The following BRAF variants were observed in gnomAD, a reference collection of about 807,000 sequenced individuals.
BRAF encodes the protein serine/threonine-protein kinase B-raf.
BRAF carries 16 observed loss-of-function variants against 104.6 expected under a neutral mutation model. The ratio of observed to expected loss-of-function variants is 0.15; its 90% CI spans 0.10 to 0.23. BRAF has a LOEUF of 0.23. Ranked by LOEUF, BRAF falls within the 10% of genes least tolerant of loss-of-function variation. BRAF has a pLI of 1.00. For missense variants in BRAF, 541 were observed against 937.3 expected (o/e 0.58, Z 5.52); for synonymous variants, 310 against 341.6 (o/e 0.91, Z 1.02).
chr7:140,717,304 A>T (rs1795151463), downstream of BRAF, among the ~76,000 whole-genome samples: 1 of 151,628 alleles, frequency 6.6e-6, no homozygotes, highest in Non-Finnish European at 1.5e-5. Context: ...TCTCTGAAAC[A>T]GGGTCTTGCT....
rs958245592 is a variant in BRAF, at chr7:140,734,481, C to A, written c.2401+136G>T. The A allele has an allele frequency of 7.5e-6, 12 of 1,594,148 alleles. No individual in the cohort carries two copies. In the African/African-American group the frequency reaches 1.6e-4, roughly 21 times the overall value. ...TCTAGTCTTTAACCACACAAGTGTTCTTTGGTTCACCTTAAAAAAAAAGAG... is the reference window on the plus strand; with the variant it reads ...TCTAGTCTTTAACCACACAAGTGTTATTTGGTTCACCTTAAAAAAAAAGAG... On this transcript the variant is annotated intron_variant, in intron 19 of 19. Transcript: ENST00000644969.
chr7:140,770,866 G>T (rs1799774922), intron 14 of BRAF, among the ~76,000 whole-genome samples: 1 of 150,340 alleles, frequency 6.7e-6, no homozygotes, highest in African/African-American at 2.5e-5. Context: ...CTGAGAGGCG[G>T]AGGTTTCAGT....
At chr7:140,919,985 G>T (rs1818043070) in intron 1 of BRAF, among the ~76,000 whole-genome samples, 1 of 152,042 alleles carries the variant, frequency 6.6e-6, no homozygotes, top group African/African-American at 2.4e-5. Context: ...TGGGACTACA[G>T]GTGTGAGCCA....
intron 1 of BRAF, among the ~76,000 whole-genome samples, chr7:140,892,427 T>G (rs17623382): frequency 0.085 from 12,966 of 152,234 alleles, 732 homozygotes; most frequent in Non-Finnish European, 0.12. Flanking sequence ...TCCCTTAATA[T>G]GTAAAATACA....
chr7:140,853,354 A>G (rs1809408487), intron 1 of BRAF, among the ~76,000 whole-genome samples: 1 of 152,152 alleles, frequency 6.6e-6, no homozygotes, highest in East Asian at 1.9e-4. Context: ...CCTAGGCAAC[A>G]GAGTGAACCC....
At chr7:140,851,369 T>C (rs1318109234) in intron 1 of BRAF, among the ~76,000 whole-genome samples, 1 of 152,178 alleles carries the variant, frequency 6.6e-6, no homozygotes, top group East Asian at 1.9e-4. Flanking sequence ...GTAGAAATTA[T>C]GGCCTTTTAA....
At chr7:140,809,369 A>T (rs972448292) in intron 3 of BRAF, among the ~76,000 whole-genome samples, 28 of 152,238 alleles carry the variant, frequency 1.8e-4, no homozygotes, top group Admixed American at 1.6e-3. Context: ...TCAAAGCTGA[A>T]AACTGTATAA....
chr7:140,721,366 TA>T lies in BRAF; in HGVS notation c.*5127del. On this transcript the variant is annotated 3_prime_UTR_variant, in exon 20 of 20. Coordinates refer to ENST00000644969, the MANE Select transcript of BRAF (RefSeq NM_001374258.1). ...GTTGGGTTTCTGTCCTTTTCCACAT[TA>T]AAAATACCTGATAGGAACTGTTAAT... is the stretch of plus-strand genomic sequence containing the variant. 8.2e-7 allele frequency: 1 copy of T among 1,218,936 alleles called. No homozygotes were observed. Among genetic ancestry groups the T allele is most frequent in the East Asian group, 3.2e-5 (1 of 30,878 alleles). 75.5% of individuals were successfully genotyped at this position (1,218,936 alleles called of 1,614,324 possible).
chr7:140,906,490 T>C (rs1816342249), intron 1 of BRAF, among the ~76,000 whole-genome samples: 1 of 152,236 alleles, frequency 6.6e-6, no homozygotes, highest in Non-Finnish European at 1.5e-5. Context: ...TCTTGTCACA[T>C]ATTTTAATTA....
intron 3 of BRAF, among the ~76,000 whole-genome samples, chr7:140,833,626 G>A (rs1807022869): frequency 6.6e-6 from 1 of 152,130 alleles, no homozygotes; most frequent in Non-Finnish European, 1.5e-5. Flanking sequence ...TTGTAATTCT[G>A]TACAATGAAA....
At chr7:140,915,364 G>C (rs1428106804) in intron 1 of BRAF, among the ~76,000 whole-genome samples, 1 of 151,026 alleles carries the variant, frequency 6.6e-6, no homozygotes, top group Non-Finnish European at 1.5e-5. Flanking sequence ...TAACTTAAAG[G>C]TTACATATTT....
intron 16 of BRAF, among the ~76,000 whole-genome samples, chr7:140,750,099 G>A (rs1294118833): frequency 1.3e-5 from 2 of 152,136 alleles, no homozygotes; most frequent in African/African-American, 2.4e-5. Flanking sequence ...TTCAGTCATT[G>A]TATTGCACAA....
intron 3 of BRAF, among the ~76,000 whole-genome samples, chr7:140,833,313 T>C (rs1194141857): frequency 6.6e-6 from 1 of 152,196 alleles, no homozygotes; most frequent in Non-Finnish European, 1.5e-5. Flanking sequence ...AATACCGTGA[T>C]GAAGAGAAGG....
chr7:140,723,000 TA>T lies in BRAF; in HGVS notation c.*3493del, dbSNP rs1795392317. The stretch of plus-strand genomic sequence containing the variant: ...CAAGTACACAAAAAAGTTAAAATCT[TA>T]AATCATCGTCATGTTCTAGAGCTCC... On this transcript the variant is annotated 3_prime_UTR_variant, in exon 20 of 20. Coordinates refer to ENST00000644969, the MANE Select transcript of BRAF (RefSeq NM_001374258.1). 9.5e-7 allele frequency: 1 copy of T among 1,053,170 alleles called. No homozygotes were observed. Among genetic ancestry groups the T allele is most frequent in the African/African-American group, 1.7e-5 (1 of 60,490 alleles). The allele number at this position is 1,053,170 out of a possible 1,614,324, so 65.2% of individuals were successfully genotyped here. A position where few individuals can be genotyped will look rare whatever the true frequency, so the allele number is the denominator to read the frequency against.
At chr7:140,902,671 G>A (rs944432663) in intron 1 of BRAF, among the ~76,000 whole-genome samples, 6 of 152,220 alleles carry the variant, frequency 3.9e-5, no homozygotes, top group African/African-American at 1.4e-4. Context: ...TACGGCTCAT[G>A]CCTATAATCC....
Position 140,724,940 on chromosome 7 carries a change from AT to A in BRAF, c.*1553del. 9.6e-7 allele frequency: 1 copy of A among 1,041,544 alleles called. No homozygotes were observed. The highest frequency in any genetic ancestry group is 1.2e-6 in the Non-Finnish European group (1 of 864,340). The allele number at this position is 1,041,544 out of a possible 1,614,324, so 64.5% of individuals were successfully genotyped here. ...CCAAAGGAAGCTATAACTAGGTTAT[AT>A]TTTCCATTTGTGCAAAGATAAGATT... On this transcript the variant is annotated 3_prime_UTR_variant, in exon 20 of 20. Coordinates refer to ENST00000644969, the MANE Select transcript of BRAF (RefSeq NM_001374258.1).
At chr7:140,878,673 A>G (rs1256124661) in intron 1 of BRAF, among the ~76,000 whole-genome samples, 1 of 152,212 alleles carries the variant, frequency 6.6e-6, no homozygotes, top group Admixed American at 6.5e-5. Context: ...AAGTTCTAGT[A>G]TTTCACAGTA....
In BRAF at chr7:140,896,709, T is replaced by A. The variant is rs1417420963; in HGVS notation, c.138+27857A>T. On this transcript the variant is annotated intron_variant, in intron 1 of 19. Coordinates refer to ENST00000644969, the MANE Select transcript of BRAF (RefSeq NM_001374258.1). ...GGTGAAACTCCGTCTCTACTGAAAATACAAAAATAAGCCGGGCATGGTGGT... is the reference window on the plus strand; with the variant it reads ...GGTGAAACTCCGTCTCTACTGAAAAAACAAAAATAAGCCGGGCATGGTGGT... Among the ~76,000 whole-genome samples the A allele has an allele frequency of 2.6e-5, 4 of 151,630 alleles. No homozygotes were observed. In the East Asian group the frequency reaches 7.7e-4, roughly 29 times the overall value.
intron 2 of BRAF, among the ~76,000 whole-genome samples, chr7:140,837,264 G>C (rs568358698): frequency 6.6e-6 from 1 of 152,276 alleles, no homozygotes; most frequent in South Asian, 2.1e-4. Flanking sequence ...ACCCGGAGAA[G>C]CATCACAGTC....
Sources: gnomAD v4.1 joint callset for allele counts (sites outside exome capture counted in the v4.1 genomes callset) on GRCh38, gnomAD v4.1.1 for gene constraint, MANE v1.5 for transcripts, NCBI Gene and HGNC (gene_info 2026-07-23, HGNC 2026-07-21) for gene names.